ARVCF: variants seen among roughly 807,000 people sequenced by gnomAD.
ARVCF encodes splicing regulator ARVCF.
Under a neutral mutation model 90.9 loss-of-function variants are expected in ARVCF, and 66 were observed. That is an observed-to-expected ratio of 0.73 (90% CI 0.60 to 0.89). ARVCF has a LOEUF of 0.89. ARVCF is among the 40% of genes least tolerant of loss of function. The pLI is 0.00. For missense variants in ARVCF, 1,469 were observed against 1,382.3 expected (o/e 1.06, Z -1.00); for synonymous variants, 653 against 603.4 (o/e 1.08, Z -1.21).
chr22:19,989,208 T>C (rs1048455764), intron 3 of ARVCF, among the ~76,000 whole-genome samples: 3 of 151,438 alleles, frequency 2.0e-5, no homozygotes, highest in Admixed American at 6.6e-5. Context: ...GCTGTGAGAG[T>C]GGCCCCAGCA....
At chr22:19,973,371 G>A in intron 13 of ARVCF, 54 bp from the exon 14 acceptor site, 2 of 1,527,570 alleles carry the variant, frequency 1.3e-6, no homozygotes, top group Non-Finnish European at 8.8e-7. Context: ...TCTCCAGGAA[G>A]GAGCAGGGAT....
intron 2 of ARVCF, among the ~76,000 whole-genome samples, chr22:19,994,173 G>A (rs996760990): frequency 6.6e-6 from 1 of 151,960 alleles, no homozygotes; most frequent in Non-Finnish European, 1.5e-5. Context: ...CAGAGGGACG[G>A]ACAGATTGAT....
rs969632906 is a variant in ARVCF at position 19,978,060 on chromosome 22, A to G, written c.1596T>C (p.Asp532=). ...GGAGTCGCCGCCGGGCCTCAGCACC[A>G]TCGGAGCTCACATTCCTGTGTGGCC... ...TSGCLRNVSS[D]GAEARRRLRE... is the part of the protein sequence containing the mutation. The change falls in exon 8 of 20, where the codon GAT becomes GAC. Residue 532 remains aspartate, a synonymous_variant. Coordinates refer to ENST00000263207, the MANE Select transcript of ARVCF (RefSeq NM_001670.3). The G allele has an allele frequency of 1.2e-5, 20 of 1,608,746 alleles. No homozygotes were observed. Among genetic ancestry groups the G allele is most frequent in the Non-Finnish European group, 1.2e-5 (14 of 1,177,922 alleles).
chr22:19,988,408 G>A (rs1943901913), intron 3 of ARVCF, among the ~76,000 whole-genome samples: 1 of 152,234 alleles, frequency 6.6e-6, no homozygotes, highest in Non-Finnish European at 1.5e-5. Context: ...CTTCTCAACT[G>A]CACCAGCAGC....
At chr22:19,992,612 A>C (rs891040031) in intron 2 of ARVCF, among the ~76,000 whole-genome samples, 2 of 152,178 alleles carry the variant, frequency 1.3e-5, no homozygotes, top group Admixed American at 6.5e-5. Flanking sequence ...TCCTGGCTGC[A>C]GCACCAGCCC....
At chr22:20,007,416 A>G (rs768875427) in intron 2 of ARVCF, among the ~76,000 whole-genome samples, 3 of 152,226 alleles carry the variant, frequency 2.0e-5, no homozygotes, top group Non-Finnish European at 4.4e-5. Flanking sequence ...CAAACAAACA[A>G]AAAGGAAACA....
rs5992505 is a variant in ARVCF at position 20,015,691 on chromosome 22, C to T, written c.-73+898G>A. On this transcript the variant is annotated intron_variant, in intron 1 of 19. Transcript: ENST00000263207. ...CATACCATAGGGGAGGTTTCCCCCACAGCAGCCTGGGTACTCACCTGAGGT... is the reference window on the plus strand; with the variant it reads ...CATACCATAGGGGAGGTTTCCCCCATAGCAGCCTGGGTACTCACCTGAGGT... Among the ~76,000 whole-genome samples the T allele has an allele frequency of 2.9e-3, 445 of 152,256 alleles. 2 individuals carry two copies. The highest frequency in any genetic ancestry group is 0.01 in the African/African-American group (419 of 41,534).
intron 2 of ARVCF, among the ~76,000 whole-genome samples, chr22:19,991,407 C>T (rs774085042): frequency 2.6e-5 from 4 of 152,254 alleles, no homozygotes; most frequent in Non-Finnish European, 4.4e-5. Context: ...GTCCAGCCTC[C>T]ACTCATATCC....
At chr22:19,968,580 C>T (rs769932706), downstream of ARVCF, 45 of 1,613,978 alleles carry the variant, frequency 2.8e-5, no homozygotes, top group African/African-American at 1.5e-4. Flanking sequence ...TGGCTGACAA[C>T]GTGATCTGCC....
At chr22:20,014,196 T>C (rs1024615381) in intron 1 of ARVCF, among the ~76,000 whole-genome samples, 1 of 149,798 alleles carries the variant, frequency 6.7e-6, no homozygotes, top group Non-Finnish European at 1.5e-5. Context: ...GGTTGTTTTG[T>C]TTGTTTTTGT....
chr22:19,969,094 T>G, downstream of ARVCF: 1 of 239,886 alleles, frequency 4.2e-6, no homozygotes, highest in Non-Finnish European at 8.4e-6. Context: ...CACCAAACAT[T>G]CAAAGCTCCC....
chr22:20,011,575 TG>T (rs1298440834), intron 1 of ARVCF, among the ~76,000 whole-genome samples: 2 of 150,250 alleles, frequency 1.3e-5, no homozygotes, highest in African/African-American at 4.9e-5. Flanking sequence ...TCATGGGGGG[TG>T]GGATGCAGGG....
At chr22:19,977,685 G>T in intron 8 of ARVCF, 99 bp from the exon 9 acceptor site, 1 of 1,436,860 alleles carries the variant, frequency 7.0e-7, no homozygotes, top group Non-Finnish European at 9.2e-7. Flanking sequence ...GGCACCGGGA[G>T]CAAAGGAACA....
At chr22:19,979,624 ACTC>A (rs1188521748) in intron 6 of ARVCF, 116 bp downstream of exon 6, 6 of 1,404,666 alleles carry the variant, frequency 4.3e-6, no homozygotes, top group Non-Finnish European at 5.7e-6. Flanking sequence ...CAGCAGCTGC[ACTC>A]CTGCCTACCG....
In ARVCF at chr22:19,970,659, G is replaced by T; in HGVS notation, c.*97C>A. On this transcript the variant is annotated 3_prime_UTR_variant, in exon 20 of 20. Transcript: ENST00000263207. Reference sequence around the variant, plus strand: ...GCGCTGCCAACCCCTGCCGCCAGGGGGCTCCAAGCTCCACGGCACGATCTG... The same window carrying T: ...GCGCTGCCAACCCCTGCCGCCAGGGTGCTCCAAGCTCCACGGCACGATCTG... 3 of 1,285,736 alleles carry T rather than the reference G, an allele frequency of 2.3e-6. No individual in the cohort carries two copies. Among genetic ancestry groups the T allele is most frequent in the Non-Finnish European group, 3.0e-6 (3 of 987,164 alleles). The allele number at this position is 1,285,736 out of a possible 1,614,324, so 79.6% of individuals were successfully genotyped here.
chr22:19,975,683 C>A lies in ARVCF; in HGVS notation c.1960+3G>T. ...GGAGCTGGCTTCATCTCAGCCCACT[C>A]ACCTTTGGCGGCCTCAGTTCGCTTG... is the stretch of plus-strand genomic sequence containing the variant. On this transcript the variant is annotated splice_donor_region_variant and intron_variant, in intron 11 of 19. Coordinates refer to ENST00000263207, the MANE Select transcript of ARVCF (RefSeq NM_001670.3). 3 of 1,613,594 alleles carry A rather than the reference C, an allele frequency of 1.9e-6. No individual in the cohort carries two copies. The highest frequency in any genetic ancestry group is 2.5e-6 in the Non-Finnish European group (3 of 1,179,954).
chr22:19,968,746 C>CT (rs1555924857), downstream of ARVCF: 24 of 1,608,056 alleles, frequency 1.5e-5, no homozygotes, highest in East Asian at 4.5e-5. Context: ...ACTGCCCCCC[C>CT]GGCCCCCCTC....
rs1435628196 is a variant in ARVCF, at chr22:19,979,018, G to A, written c.1459C>T (p.Gln487Ter). Residue 487 changes from glutamine to a stop codon, truncating the protein, a stop_gained, in exon 7 of 20, where the codon CAG (glutamine) becomes TAG (stop). Transcript: ENST00000263207. LOFTEE classifies it high-confidence loss of function. ...LKMVIIDHGL[Q>*]TLTHEVIVPH... is the part of the protein sequence containing the mutation. ...ACGATCACCTCGTGGGTCAGCGTCT[G>A]CAGGCCATGGTCAATGATGACCATC... 6.2e-7 allele frequency: 1 copy of A among 1,613,438 alleles called. No homozygotes were observed. The highest frequency in any genetic ancestry group is 8.5e-7 in the Non-Finnish European group (1 of 1,179,956).
At position 19,971,279 on chromosome 22, in the gene ARVCF, C is replaced by T; in HGVS notation, c.2838G>A (p.Leu946=). 1 of 1,557,246 alleles carries T rather than the reference C, an allele frequency of 6.4e-7. No individual in the cohort carries two copies. The highest frequency in any genetic ancestry group is 8.7e-7 in the Non-Finnish European group (1 of 1,149,746). ...PPGPSRPAVR[L]VDAVGDAKPQ... ...GCTTAGCGTCCCCTACGGCGTCCAC[C>T]AGCCTGACCGCGGGCCTGCTGGGCC... The change falls in exon 19 of 20, where the codon CTG becomes CTA. Residue 946 remains leucine, a synonymous_variant. Coordinates refer to ENST00000263207, the MANE Select transcript of ARVCF (RefSeq NM_001670.3).
Sources: gnomAD v4.1 joint callset for allele counts (sites outside exome capture counted in the v4.1 genomes callset) on GRCh38, gnomAD v4.1.1 for gene constraint, MANE v1.5 for transcripts, NCBI Gene and HGNC (gene_info 2026-07-23, HGNC 2026-07-21) for gene names.